BICRA: variants seen among roughly 807,000 people sequenced by gnomAD.
BICRA encodes the protein BRD4 interacting chromatin remodeling complex associated protein.
BICRA carries 31 observed loss-of-function variants against 96.9 expected under a neutral mutation model. The ratio of observed to expected loss-of-function variants is 0.32; its 90% CI spans 0.24 to 0.43. BICRA has a LOEUF of 0.43. Ranked by LOEUF, BICRA falls within the 20% of genes least tolerant of loss-of-function variation. The probability of loss-of-function intolerance (pLI) is 1.00; values close to 1 mark genes in which losing one functional copy is unlikely to be tolerated. For synonymous variants in BICRA, 1,350 were observed against 1,071.8 expected, an observed-to-expected ratio of 1.26 and a Z score of -5.07; for missense variants, 2,283 against 2,190.3, an observed-to-expected ratio of 1.04 and a Z score of -0.84.
intron 7 of BICRA, among the ~76,000 whole-genome samples, chr19:47,682,670 C>G (rs893068175): frequency 3.7e-5 from 5 of 136,706 alleles, no homozygotes; most frequent in African/African-American, 1.5e-4. Context: ...TCTTCATTCT[C>G]TCTCTCTTTT....
chr19:47,675,446 A>G lies in BICRA; in HGVS notation c.85-405A>G, dbSNP rs1184285844. Among the ~76,000 whole-genome samples, 1 of 152,194 alleles carries G rather than the reference A, an allele frequency of 6.6e-6. No individual in the cohort carries two copies. Among genetic ancestry groups the G allele is most frequent in the Admixed American group, 6.5e-5 (1 of 15,268 alleles). On this transcript the variant is annotated intron_variant, in intron 4 of 14. Coordinates refer to ENST00000594866, the MANE Select transcript of BICRA (RefSeq NM_001394372.1). The surrounding 1 kb of genome is among the most constrained non-coding windows in gnomAD (Gnocchi z 4.7). The stretch of plus-strand genomic sequence containing the variant: ...CGGATGGTAGGTGTGCCAGGCACTC[A>G]GGCTGCGTTGGGAAAGGAGTACTTA...
intron 1 of BICRA, among the ~76,000 whole-genome samples, chr19:47,636,996 C>T (rs1436262595): frequency 6.6e-6 from 1 of 152,202 alleles, no homozygotes. Context: ...CCTCCTTAGT[C>T]AAGCCTGCTC....
In BICRA at chr19:47,695,047, C is replaced by T; in HGVS notation, c.3043C>T (p.His1015Tyr). The T allele has an allele frequency of 6.7e-7, 1 of 1,499,148 alleles. No homozygotes were observed. Among genetic ancestry groups the T allele is most frequent in the Non-Finnish European group, 8.8e-7 (1 of 1,134,666 alleles). The allele number at this position is 1,499,148 out of a possible 1,614,324, so 92.9% of individuals were successfully genotyped here. ...APSGTPTAPS[H>Y]APAPAPMAAT... ...ATCTGGGACCCCCACTGCCCCCAGC[C>T]ACGCCCCCGCCCCGGCACCCATGGC... Residue 1015 changes from histidine to tyrosine, a missense_variant, in exon 9 of 15, where the codon CAC becomes TAC. Physicochemically the swap from His to Tyr is moderately conservative, Grantham distance 83 (BLOSUM62 2). Transcript: ENST00000594866.
At chr19:47,637,213 G>A (rs1034682661) in intron 1 of BICRA, among the ~76,000 whole-genome samples, 14 of 151,868 alleles carry the variant, frequency 9.2e-5, no homozygotes, top group African/African-American at 3.4e-4. Flanking sequence ...TTCACCTCCC[G>A]GGTTCACGCC....
intron 1 of BICRA, among the ~76,000 whole-genome samples, chr19:47,625,453 T>C (rs2914018): frequency 0.88 from 133,150 of 152,150 alleles, 58,420 homozygotes; most frequent in Admixed American, 0.9. Flanking sequence ...CTCTTTGACT[T>C]TCTCGTCCAA....
chr19:47,668,383 G>T (rs891953317), intron 1 of BICRA, among the ~76,000 whole-genome samples: 12 of 152,118 alleles, frequency 7.9e-5, no homozygotes, highest in Non-Finnish European at 1.2e-4. Flanking sequence ...TGACATGCAG[G>T]TTCCCAGCTG....
chr19:47,655,973 G>T (rs1488066886), intron 1 of BICRA, among the ~76,000 whole-genome samples: 1 of 151,548 alleles, frequency 6.6e-6, no homozygotes, highest in African/African-American at 2.4e-5. Context: ...GGTAGCTCAC[G>T]CCTGTAACCC....
intron 1 of BICRA, among the ~76,000 whole-genome samples, chr19:47,609,756 C>T (rs529533422): frequency 2.6e-5 from 4 of 152,262 alleles, no homozygotes; most frequent in Admixed American, 2.6e-4. Context: ...GCCCCCTCCC[C>T]AAATCCCTCC....
intron 1 of BICRA, among the ~76,000 whole-genome samples, chr19:47,665,621 C>T (rs1380476216): frequency 2.6e-5 from 4 of 152,150 alleles, no homozygotes; most frequent in African/African-American, 9.7e-5. Context: ...CGGTGTGCAA[C>T]ACCATGTCTG....
rs201053699 is a variant in BICRA, at chr19:47,633,083, T to TC, written c.-108+23915_-108+23916insC. 6.8e-3 allele frequency among the ~76,000 whole-genome samples: 954 copies of TC among 140,064 alleles called. 21 individuals carry two copies. Among genetic ancestry groups the TC allele is most frequent in the African/African-American group, 0.023 (857 of 38,036 alleles). 91.9% of individuals were successfully genotyped at this position (140,064 alleles called of 152,430 possible). ...TTAATTTTATTTGATTTTATTTCTT[T>TC]TTTTTTTTTTTTTTTTTGAGACAGT... On this transcript the variant is annotated intron_variant, in intron 1 of 14. Transcript: ENST00000594866.
intron 1 of BICRA, among the ~76,000 whole-genome samples, chr19:47,631,070 G>T (rs542487213): frequency 9.2e-5 from 14 of 151,780 alleles, no homozygotes; most frequent in South Asian, 4.2e-4. Context: ...TGTTTTTGGG[G>T]TTTTTTTTGA....
chr19:47,662,348 C>G (rs369446945), intron 1 of BICRA: 1 of 152,272 alleles, frequency 6.6e-6, no homozygotes, highest in African/African-American at 2.4e-5. Flanking sequence ...CACCTGGCAG[C>G]TGGGCAAAGA....
intron 1 of BICRA, among the ~76,000 whole-genome samples, chr19:47,652,252 C>A (rs902605914): frequency 6.6e-6 from 1 of 152,104 alleles, no homozygotes; most frequent in African/African-American, 2.4e-5. Context: ...ATCGTGTGAC[C>A]ATGGCTCACT....
intron 8 of BICRA, 44 bp from the exon 9 acceptor site, chr19:47,694,856 C>G (rs1204311850): frequency 1.4e-6 from 2 of 1,404,620 alleles, no homozygotes; most frequent in African/African-American, 2.9e-5. Flanking sequence ...ACCCCTACAC[C>G]TAGCCTATGT....
chr19:47,692,477 G>A (rs1197245006), intron 7 of BICRA, among the ~76,000 whole-genome samples: 2 of 152,036 alleles, frequency 1.3e-5, no homozygotes, highest in Non-Finnish European at 1.5e-5. Flanking sequence ...TTATCTGCCC[G>A]CCTCAGCCTC....
At chr19:47,646,204 A>G (rs536692138) in intron 1 of BICRA, among the ~76,000 whole-genome samples, 39 of 152,344 alleles carry the variant, frequency 2.6e-4, no homozygotes, top group African/African-American at 9.1e-4. Context: ...GGGTACGTCC[A>G]GCATGCGGAA....
chr19:47,610,014 C>G (rs1269157249), intron 1 of BICRA, among the ~76,000 whole-genome samples: 1 of 152,210 alleles, frequency 6.6e-6, no homozygotes, highest in East Asian at 1.9e-4. Context: ...CGGGGCGGCC[C>G]CCCATCTCCT....
At chr19:47,627,270 G>A (rs1287428672) in intron 1 of BICRA, among the ~76,000 whole-genome samples, 1 of 152,182 alleles carries the variant, frequency 6.6e-6, no homozygotes, top group Non-Finnish European at 1.5e-5. Flanking sequence ...ACCAGCTGGA[G>A]TCAGGATTTG....
chr19:47,678,744 T>A (rs150211798), intron 5 of BICRA, among the ~76,000 whole-genome samples: 35 of 151,356 alleles, frequency 2.3e-4, no homozygotes, highest in African/African-American at 5.3e-4. Flanking sequence ...TAGTTTTTTT[T>A]ATTACATTTT....
Sources: allele counts gnomAD v4.1 joint callset (sites outside exome capture counted in the v4.1 genomes callset), GRCh38; gene constraint gnomAD v4.1.1; non-coding constraint Gnocchi (gnomAD v3.1); transcripts MANE v1.5; gene names NCBI Gene and HGNC (gene_info 2026-07-23, HGNC 2026-07-21).